Variants in FYN observed in about 807,000 individuals in gnomAD.
FYN encodes FYN proto-oncogene, Src family tyrosine kinase, also known as tyrosine-protein kinase Fyn.
FYN carries 10 observed loss-of-function variants against 70.2 expected under a neutral mutation model. The observed-to-expected ratio is 0.14, with a 90% CI of 0.09 to 0.24. The LOEUF is 0.24. Ranked by LOEUF, FYN falls within the 10% of genes least tolerant of loss-of-function variation. FYN has a pLI of 1.00. For missense variants in FYN, 319 were observed against 673.1 expected (o/e 0.47, Z 5.82); for synonymous variants, 236 against 248.6 (o/e 0.95, Z 0.48).
chr6:111,822,705 AAAG>A (rs1349486024), intron 2 of FYN, among the ~76,000 whole-genome samples: 1 of 151,880 alleles, frequency 6.6e-6, no homozygotes, highest in Non-Finnish European at 1.5e-5. Flanking sequence ...AAAAATAAAA[AAAG>A]AAAGAAATAA....
chr6:111,775,926 C>G (rs1770918138), intron 3 of FYN, among the ~76,000 whole-genome samples: 2 of 152,152 alleles, frequency 1.3e-5, no homozygotes, highest in Non-Finnish European at 2.9e-5. Flanking sequence ...CATGTTATGG[C>G]CTTCATGACT....
At chr6:111,763,249 A>G (rs1025825864) in intron 3 of FYN, among the ~76,000 whole-genome samples, 1 of 152,142 alleles carries the variant, frequency 6.6e-6, no homozygotes, top group Non-Finnish European at 1.5e-5. Flanking sequence ...GTTTCTATAA[A>G]ATGTATAAAA....
intron 1 of FYN, among the ~76,000 whole-genome samples, chr6:111,872,208 C>G (rs1238669154): frequency 6.6e-6 from 1 of 151,982 alleles, no homozygotes; most frequent in Non-Finnish European, 1.5e-5. Context: ...CTCCTTCTGG[C>G]CCAGTCCCCT....
At chr6:111,734,848 T>C (rs528215319) in intron 3 of FYN, among the ~76,000 whole-genome samples, 19 of 152,348 alleles carry the variant, frequency 1.2e-4, no homozygotes, top group African/African-American at 4.3e-4. Context: ...AACAAGCATA[T>C]TTTGATCCCC....
At chr6:111,764,785 T>C (rs1351426187) in intron 3 of FYN, among the ~76,000 whole-genome samples, 2 of 152,164 alleles carry the variant, frequency 1.3e-5, no homozygotes, top group African/African-American at 2.4e-5. Context: ...AAAAACCCCA[T>C]GGACAATGTT....
At chr6:111,837,010 T>C (rs1773207941) in intron 2 of FYN, among the ~76,000 whole-genome samples, 1 of 152,158 alleles carries the variant, frequency 6.6e-6, no homozygotes, top group Non-Finnish European at 1.5e-5. Context: ...ATAAATATTA[T>C]GATAACTGTC....
intron 1 of FYN, among the ~76,000 whole-genome samples, chr6:111,860,700 G>A (rs1279240618): frequency 6.6e-6 from 1 of 152,174 alleles, no homozygotes; most frequent in Non-Finnish European, 1.5e-5. Context: ...CCCAGGAGCT[G>A]CTGGCACCCA....
At chr6:111,801,993 T>C (rs1772000905) in intron 2 of FYN, among the ~76,000 whole-genome samples, 1 of 152,226 alleles carries the variant, frequency 6.6e-6, no homozygotes. Context: ...AAAATGTTTG[T>C]AGCCTACTTG....
intron 2 of FYN, among the ~76,000 whole-genome samples, chr6:111,792,010 G>A (rs1257166677): frequency 6.6e-6 from 1 of 150,538 alleles, no homozygotes; most frequent in Non-Finnish European, 1.5e-5. Flanking sequence ...CACAAAAAGT[G>A]TTAACCACGA....
At chr6:111,844,542 A>G (rs1019761269) in intron 2 of FYN, among the ~76,000 whole-genome samples, 1 of 152,242 alleles carries the variant, frequency 6.6e-6, no homozygotes, top group East Asian at 1.9e-4. Flanking sequence ...AACTCCCCTA[A>G]GGCAATGATT....
intron 13 of FYN, among the ~76,000 whole-genome samples, chr6:111,664,966 G>A (rs188686763): frequency 6.6e-6 from 1 of 152,294 alleles, no homozygotes. Flanking sequence ...CTGCAGACCT[G>A]GCAACTTCAC....
chr6:111,797,215 G>A (rs1771832913), intron 2 of FYN, among the ~76,000 whole-genome samples: 1 of 152,120 alleles, frequency 6.6e-6, no homozygotes, highest in African/African-American at 2.4e-5. Flanking sequence ...TAAATCAAAT[G>A]GGAAACTAGT....
chr6:111,731,327 G>C (rs706912), intron 3 of FYN, among the ~76,000 whole-genome samples: 2,281 of 152,330 alleles, frequency 0.015, 61 homozygotes, highest in African/African-American at 0.051. Flanking sequence ...AAGGAGATTT[G>C]ACTTCTTTTG....
intron 3 of FYN, among the ~76,000 whole-genome samples, chr6:111,774,033 G>A (rs1257622043): frequency 6.6e-6 from 1 of 152,222 alleles, no homozygotes; most frequent in Admixed American, 6.5e-5. Flanking sequence ...GTGGATGCGA[G>A]GCTGTGGGCC....
intron 2 of FYN, among the ~76,000 whole-genome samples, chr6:111,816,631 T>C (rs1458130775): frequency 1.3e-5 from 2 of 152,224 alleles, no homozygotes; most frequent in Non-Finnish European, 1.5e-5. Flanking sequence ...AGTATCATTT[T>C]TCACGTATCA....
Position 111,694,789 on chromosome 6 carries a change from T to TA in FYN, c.1043-86dup. On this transcript the variant is annotated intron_variant, in intron 10 of 13. Coordinates refer to ENST00000354650, the MANE Select transcript of FYN (RefSeq NM_002037.5). This position sits in a 1 kb window ranked among gnomAD's most constrained non-coding sequence, Gnocchi z 5.0. ...CTGTATTTGGTTTTCTTATTAAAAG[T>TA]AATAAGGTAGTCAAATGGAATAATG... The TA allele has an allele frequency of 8.3e-7, 1 of 1,200,064 alleles. No homozygotes were observed. Among genetic ancestry groups the TA allele is most frequent in the Non-Finnish European group, 1.2e-6 (1 of 839,586 alleles). 74.3% of individuals were successfully genotyped at this position (1,200,064 alleles called of 1,614,324 possible).
intron 10 of FYN, 38 bp downstream of exon 10, chr6:111,696,239 G>A: frequency 1.3e-6 from 2 of 1,551,456 alleles, no homozygotes; most frequent in Non-Finnish European, 1.7e-6. Flanking sequence ...AACCCCTTAA[G>A]GCACTGTGAG....
chr6:111,703,189 C>A (rs1190147745), intron 7 of FYN, among the ~76,000 whole-genome samples, 155 bp from the exon 8 acceptor site: 1 of 152,158 alleles, frequency 6.6e-6, no homozygotes, highest in African/African-American at 2.4e-5. Flanking sequence ...GAAGAAGATG[C>A]TTCTTGATGT....
At chr6:111,808,453 A>G (rs1268055710) in intron 2 of FYN, among the ~76,000 whole-genome samples, 1 of 152,152 alleles carries the variant, frequency 6.6e-6, no homozygotes, top group Non-Finnish European at 1.5e-5. Flanking sequence ...CCTGACAGGG[A>G]TAGTGACCCC....
Sources: allele counts gnomAD v4.1 joint callset (sites outside exome capture counted in the v4.1 genomes callset), GRCh38; gene constraint gnomAD v4.1.1; non-coding constraint Gnocchi (gnomAD v3.1); transcripts MANE v1.5; gene names NCBI Gene and HGNC (gene_info 2026-07-23, HGNC 2026-07-21).